Variants in SIK2 observed in about 807,000 individuals in gnomAD.
SIK2 encodes serine/threonine-protein kinase SIK2.
SIK2 carries 29 observed loss-of-function variants against 103.2 expected under a neutral mutation model. The ratio of observed to expected loss-of-function variants is 0.28; its 90% CI spans 0.21 to 0.38. SIK2 has a LOEUF of 0.38. Ranked by LOEUF, SIK2 falls within the 10% of genes least tolerant of loss-of-function variation. SIK2 has a pLI of 1.00. For synonymous variants in SIK2, 412 were observed against 446.1 expected (o/e 0.92, Z 0.96); for missense variants, 879 against 1,171.0 (o/e 0.75, Z 3.64).
intron 4 of SIK2, among the ~76,000 whole-genome samples, chr11:111,700,397 A>G (rs1160426885): frequency 6.9e-6 from 1 of 145,968 alleles, no homozygotes; most frequent in Non-Finnish European, 1.5e-5. Context: ...GTTACTTAGG[A>G]AACACTGCAC....
At position 111,613,653 on chromosome 11, in the gene SIK2, G is replaced by A. The variant is rs1009336779; in HGVS notation, c.136-2590G>A. On this transcript the variant is annotated intron_variant, in intron 1 of 14. Coordinates refer to ENST00000304987, the MANE Select transcript of SIK2 (RefSeq NM_015191.3). ...TAATAGCGAGTATATAATATTAATC[G>A]TTCTACTTGCCTAGCAGTCAAAGTT... is the stretch of plus-strand genomic sequence containing the variant. 7.2e-5 allele frequency among the ~76,000 whole-genome samples: 11 copies of A among 152,114 alleles called. No homozygotes were observed. The East Asian group carries it at 7.7e-4, about 11-fold the overall frequency.
chr11:111,723,518 C>G lies in SIK2; in HGVS notation c.2170C>G (p.Leu724Val). The change falls in exon 15 of 15, where the codon CTT (leucine) becomes GTT (valine). Residue 724 changes from leucine to valine, a missense_variant. Transcript: ENST00000304987. ...EHRLQQKRLF[L>V]QKQSQLQAYF... The stretch of plus-strand genomic sequence containing the variant: ...TAGGCTCCAGCAGAAGCGACTCTTT[C>G]TTCAGAAGCAGTCTCAACTGCAGGC... The G allele has an allele frequency of 6.2e-7, 1 of 1,606,842 alleles. No individual in the cohort carries two copies. The highest frequency in any genetic ancestry group is 8.5e-7 in the Non-Finnish European group (1 of 1,175,094).
rs1942169251 is a variant in SIK2 at position 111,640,688 on chromosome 11, G to A, written c.316+20286G>A. On this transcript the variant is annotated intron_variant, in intron 3 of 14. Coordinates refer to ENST00000304987, the MANE Select transcript of SIK2 (RefSeq NM_015191.3). ...CTATAAGTGCTACGGGAAACTATGAGAAAAGTTCTTTAGAAAGTCAGAAGA... is the reference window on the plus strand; with the variant it reads ...CTATAAGTGCTACGGGAAACTATGAAAAAAGTTCTTTAGAAAGTCAGAAGA... Among the ~76,000 whole-genome samples the A allele has an allele frequency of 4.4e-5, 6 of 136,258 alleles. No homozygotes were observed. In the South Asian group the frequency reaches 1.6e-3, roughly 36 times the overall value. The allele number at this position is 136,258 out of a possible 152,430, so 89.4% of individuals were successfully genotyped here. A position where few individuals can be genotyped will look rare whatever the true frequency, so the allele number is the denominator to read the frequency against.
chr11:111,682,328 A>G (rs1435040623), intron 3 of SIK2, among the ~76,000 whole-genome samples: 1 of 152,198 alleles, frequency 6.6e-6, no homozygotes, highest in African/African-American at 2.4e-5. Flanking sequence ...TCTTCATGAC[A>G]GTGGCATAGG....
intron 3 of SIK2, among the ~76,000 whole-genome samples, chr11:111,656,101 G>A (rs565339984): frequency 6.6e-6 from 1 of 151,384 alleles, no homozygotes; most frequent in Non-Finnish European, 1.5e-5. Flanking sequence ...GAGGTGAGAC[G>A]ATCACTTGAG....
intron 1 of SIK2, among the ~76,000 whole-genome samples, chr11:111,606,711 G>A (rs1008277359): frequency 1.3e-5 from 2 of 151,958 alleles, no homozygotes; most frequent in African/African-American, 2.4e-5. Context: ...GAAATTGCTG[G>A]TAAAGTCCTA....
chr11:111,625,617 A>G (rs1394281522), intron 3 of SIK2, among the ~76,000 whole-genome samples: 1 of 152,228 alleles, frequency 6.6e-6, no homozygotes, highest in East Asian at 1.9e-4. Flanking sequence ...GTGACAAATG[A>G]TGCCGATAGA....
At chr11:111,603,970 A>G (rs1051701951) in intron 1 of SIK2, among the ~76,000 whole-genome samples, 2 of 152,244 alleles carry the variant, frequency 1.3e-5, no homozygotes, top group East Asian at 3.8e-4. Context: ...TCCCGTTTCC[A>G]AAAGGAAGGG....
Position 111,654,969 on chromosome 11 carries a change from T to A in SIK2, c.317-33032T>A, listed in dbSNP as rs548853613. On this transcript the variant is annotated intron_variant, in intron 3 of 14. Coordinates refer to ENST00000304987, the MANE Select transcript of SIK2 (RefSeq NM_015191.3). ...GATTATTATGAGTATGAAATCTGAT[T>A]TCAGAATACATTACAATCATTCTCT... 1.5e-3 allele frequency among the ~76,000 whole-genome samples: 224 copies of A among 152,350 alleles called. 2 individuals are homozygous for A. Among genetic ancestry groups the A allele is most frequent in the African/African-American group, 5.2e-3 (218 of 41,582 alleles).
At position 111,724,821 on chromosome 11, in the gene SIK2, T is replaced by C. The variant is rs1829604768; in HGVS notation, c.*692T>C. Reference sequence around the variant, plus strand: ...TCAGAAGGTGCCCTGGGTTGCCGAGTGTCAGAATATACTCAGGACTCCAGA... The same window carrying C: ...TCAGAAGGTGCCCTGGGTTGCCGAGCGTCAGAATATACTCAGGACTCCAGA... On this transcript the variant is annotated 3_prime_UTR_variant, in exon 15 of 15. Coordinates refer to ENST00000304987, the MANE Select transcript of SIK2 (RefSeq NM_015191.3). 2 of 152,326 alleles carry C rather than the reference T, an allele frequency of 1.3e-5. No individual in the cohort carries two copies. The highest frequency in any genetic ancestry group is 2.9e-5 in the Non-Finnish European group (2 of 68,226). The allele number at this position is 152,326 out of a possible 1,614,324, so 9.4% of individuals were successfully genotyped here.
chr11:111,664,726 T>G (rs574477839), intron 3 of SIK2, among the ~76,000 whole-genome samples: 13 of 130,694 alleles, frequency 9.9e-5, no homozygotes, highest in African/African-American at 3.4e-4. Context: ...ACCCCTCCCA[T>G]TAGAGAAATG....
chr11:111,608,269 A>T (rs1014421673), intron 1 of SIK2, among the ~76,000 whole-genome samples: 10 of 152,246 alleles, frequency 6.6e-5, no homozygotes, highest in Admixed American at 1.3e-4. Flanking sequence ...TTTTAAAAAA[A>T]TTTTTAAATA....
chr11:111,693,248 C>T (rs1418507611), intron 4 of SIK2, among the ~76,000 whole-genome samples: 4 of 152,004 alleles, frequency 2.6e-5, no homozygotes, highest in South Asian at 4.1e-4. Context: ...AGGAGAGAAT[C>T]GCTTGAACCA....
intron 1 of SIK2, among the ~76,000 whole-genome samples, chr11:111,604,005 C>T (rs569237889): frequency 6.6e-6 from 1 of 152,334 alleles, no homozygotes; most frequent in Admixed American, 6.5e-5. Flanking sequence ...GTCTTCTTTA[C>T]TTTTTGCCTT....
chr11:111,634,067 TA>T (rs1279441687), intron 3 of SIK2, among the ~76,000 whole-genome samples: 2 of 152,208 alleles, frequency 1.3e-5, no homozygotes, highest in African/African-American at 2.4e-5. Context: ...TTCAAACAAT[TA>T]AACCGGCAGT....
At chr11:111,639,227 A>G (rs989267202) in intron 3 of SIK2, among the ~76,000 whole-genome samples, 3 of 152,216 alleles carry the variant, frequency 2.0e-5, no homozygotes, top group Non-Finnish European at 4.4e-5. Flanking sequence ...TCCTAGGCAC[A>G]TATTTCTTAG....
At chr11:111,658,094 A>AT (rs1190980067) in intron 3 of SIK2, among the ~76,000 whole-genome samples, 1 of 4,360 alleles carries the variant, frequency 2.3e-4, no homozygotes, top group East Asian at 2.7e-3. Flanking sequence ...TTTTTATTTT[A>AT]TTTATTTATT....
intron 3 of SIK2, among the ~76,000 whole-genome samples, chr11:111,670,533 CA>C (rs1318008902): frequency 6.6e-6 from 1 of 152,030 alleles, no homozygotes; most frequent in African/African-American, 2.4e-5. Flanking sequence ...TAATGGTCCG[CA>C]AAATATTTGA....
At chr11:111,615,560 C>T (rs965908448) in intron 1 of SIK2, among the ~76,000 whole-genome samples, 9 of 152,124 alleles carry the variant, frequency 5.9e-5, no homozygotes, top group Non-Finnish European at 7.4e-5. Context: ...CCTAGTCATT[C>T]ACCTTCATAT....
Sources: allele counts gnomAD v4.1 joint callset (sites outside exome capture counted in the v4.1 genomes callset), GRCh38; gene constraint gnomAD v4.1.1; transcripts MANE v1.5; gene names NCBI Gene and HGNC (gene_info 2026-07-23, HGNC 2026-07-21).